The following IGF2BP3 variants were observed in gnomAD, a reference collection of about 807,000 sequenced individuals.
IGF2BP3 encodes insulin-like growth factor 2 mRNA-binding protein 3.
Under a neutral mutation model 73.8 loss-of-function variants are expected in IGF2BP3, and 9 were observed. The observed-to-expected ratio is 0.12, with a 90% CI of 0.07 to 0.21. The LOEUF (loss-of-function observed/expected upper bound fraction) is 0.21, where lower values mean the gene tolerates loss of function less well. Among genes scored for constraint, IGF2BP3 ranks in the 10% least tolerant of loss-of-function variants. The probability of loss-of-function intolerance (pLI) is 1.00; values close to 1 mark genes in which losing one functional copy is unlikely to be tolerated. For synonymous variants in IGF2BP3, 258 were observed against 256.7 expected (o/e 1.01, Z -0.05); for missense variants, 542 against 714.0 (o/e 0.76, Z 2.75).
chr7:23,461,939 G>A (rs536429273), intron 2 of IGF2BP3, among the ~76,000 whole-genome samples: 32 of 152,226 alleles, frequency 2.1e-4, no homozygotes, highest in African/African-American at 7.7e-4. Flanking sequence ...TGCCAATTCT[G>A]AGCCCAGCCT....
chr7:23,322,652 T>C (rs1367228753), intron 10 of IGF2BP3, among the ~76,000 whole-genome samples: 3 of 151,692 alleles, frequency 2.0e-5, no homozygotes, highest in East Asian at 1.9e-4. Context: ...AAGGAAAAAA[T>C]GTTAAGGGCA....
At chr7:23,321,258 G>A (rs1033633998) in intron 10 of IGF2BP3, among the ~76,000 whole-genome samples, 5 of 152,202 alleles carry the variant, frequency 3.3e-5, no homozygotes, top group African/African-American at 4.8e-5. Flanking sequence ...TGCCTCACTC[G>A]GGAAGCGCAA....
intron 3 of IGF2BP3, among the ~76,000 whole-genome samples, chr7:23,393,179 C>A (rs1039055254): frequency 6.6e-6 from 1 of 152,156 alleles, no homozygotes; most frequent in Non-Finnish European, 1.5e-5. Context: ...GACCCTTTAC[C>A]TACAGAACTG....
chr7:23,323,009 T>C (rs1784200570), intron 10 of IGF2BP3, among the ~76,000 whole-genome samples: 1 of 152,144 alleles, frequency 6.6e-6, no homozygotes, highest in Non-Finnish European at 1.5e-5. Context: ...AGAAACTGCA[T>C]GAACTAACGA....
intron 3 of IGF2BP3, among the ~76,000 whole-genome samples, chr7:23,365,111 A>G (rs1324750838): frequency 6.6e-6 from 1 of 152,112 alleles, no homozygotes; most frequent in Non-Finnish European, 1.5e-5. Flanking sequence ...GGTGGCAGTG[A>G]GCAGAGATTG....
intron 8 of IGF2BP3, among the ~76,000 whole-genome samples, chr7:23,345,198 T>A (rs1784800721): frequency 6.6e-6 from 1 of 152,216 alleles, no homozygotes; most frequent in African/African-American, 2.4e-5. Context: ...AAACTAAGAA[T>A]GGCCACCCTC....
intron 2 of IGF2BP3, among the ~76,000 whole-genome samples, chr7:23,451,395 C>A (rs1045780556): frequency 6.6e-6 from 1 of 151,940 alleles, no homozygotes; most frequent in Non-Finnish European, 1.5e-5. Context: ...CCAGCCTGGG[C>A]AACAGAGCAA....
chr7:23,380,125 G>C (rs979050906), intron 3 of IGF2BP3, among the ~76,000 whole-genome samples: 3 of 150,226 alleles, frequency 2.0e-5, no homozygotes, highest in Non-Finnish European at 4.4e-5. Flanking sequence ...TGAATTTTGA[G>C]GTAAAAACCG....
intron 3 of IGF2BP3, among the ~76,000 whole-genome samples, chr7:23,377,621 A>G (rs1395888219): frequency 6.6e-6 from 1 of 152,200 alleles, no homozygotes; most frequent in Non-Finnish European, 1.5e-5. Flanking sequence ...CTGGGTATAC[A>G]CCCAAAAGAA....
At chr7:23,402,870 T>C (rs1786710604) in intron 3 of IGF2BP3, among the ~76,000 whole-genome samples, 1 of 152,228 alleles carries the variant, frequency 6.6e-6, no homozygotes, top group Non-Finnish European at 1.5e-5. Context: ...ACAGTAATTC[T>C]CAATGGAGAA....
intron 5 of IGF2BP3, among the ~76,000 whole-genome samples, chr7:23,353,809 C>T (rs777004406): frequency 5.3e-5 from 8 of 152,284 alleles, no homozygotes; most frequent in South Asian, 2.1e-4. Flanking sequence ...GTTAAGTTAA[C>T]GCTGTACTTT....
intron 7 of IGF2BP3, among the ~76,000 whole-genome samples, chr7:23,346,781 C>T (rs1035151058): frequency 1.3e-5 from 2 of 151,910 alleles, no homozygotes; most frequent in Non-Finnish European, 2.9e-5. Context: ...TCAGTAGAGA[C>T]GGGGTTTCAC....
chr7:23,319,033 C>T, intron 11 of IGF2BP3, 105 bp downstream of exon 11: 1 of 777,272 alleles, frequency 1.3e-6, no homozygotes, highest in East Asian at 2.5e-5. Flanking sequence ...TTATGTAACC[C>T]TAACAGTGTC....
At chr7:23,401,770 A>C (rs533343205) in intron 3 of IGF2BP3, among the ~76,000 whole-genome samples, 1 of 143,436 alleles carries the variant, frequency 7.0e-6, no homozygotes, top group Non-Finnish European at 1.5e-5. Flanking sequence ...TCTCCAAAAA[A>C]AAAGTCACTG....
chr7:23,431,818 C>A (rs868791158), intron 2 of IGF2BP3, among the ~76,000 whole-genome samples: 23 of 151,490 alleles, frequency 1.5e-4, no homozygotes, highest in Middle Eastern at 3.4e-3. Flanking sequence ...CTTGGCCCCT[C>A]CCCCGCCAAC....
chr7:23,398,362 A>G (rs1206897620), intron 3 of IGF2BP3, among the ~76,000 whole-genome samples: 8 of 152,202 alleles, frequency 5.3e-5, no homozygotes, highest in Non-Finnish European at 1.2e-4. Context: ...TAATAGTGCC[A>G]CAATAAACAT....
At chr7:23,447,318 A>C (rs1002477058) in intron 2 of IGF2BP3, among the ~76,000 whole-genome samples, 6 of 151,964 alleles carry the variant, frequency 3.9e-5, no homozygotes, top group Non-Finnish European at 5.9e-5. Context: ...ACTCCTCAAA[A>C]ACAGGAAAGT....
intron 10 of IGF2BP3, among the ~76,000 whole-genome samples, chr7:23,339,951 T>G (rs1355705400): frequency 6.6e-6 from 1 of 152,234 alleles, no homozygotes; most frequent in Non-Finnish European, 1.5e-5. Context: ...CTATTCCTCC[T>G]TAAACCTTTC....
chr7:23,373,328 C>T (rs1300303673), intron 3 of IGF2BP3, among the ~76,000 whole-genome samples: 1 of 152,178 alleles, frequency 6.6e-6, no homozygotes, highest in Admixed American at 6.5e-5. Flanking sequence ...GGGACTTCCC[C>T]CAACCCCTAG....
Sources: gnomAD v4.1 joint callset for allele counts (sites outside exome capture counted in the v4.1 genomes callset) on GRCh38, gnomAD v4.1.1 for gene constraint, MANE v1.5 for transcripts, NCBI Gene and HGNC (gene_info 2026-07-23, HGNC 2026-07-21) for gene names.